Variants in TERB2 observed in about 807,000 individuals in gnomAD.
The protein encoded by TERB2 is telomere repeats-binding bouquet formation protein 2.
Under a neutral mutation model 29.8 loss-of-function variants are expected in TERB2, and 26 were observed. The observed-to-expected ratio is 0.87, with a 90% CI of 0.64 to 1.21. TERB2 has a LOEUF of 1.21. TERB2 is among the 50% of genes most tolerant of loss of function. The probability of loss-of-function intolerance (pLI) is 0.00; values close to 1 mark genes in which losing one functional copy is unlikely to be tolerated. For synonymous variants in TERB2, 80 were observed against 90.8 expected (o/e 0.88, Z 0.68); for missense variants, 240 against 268.6 (o/e 0.89, Z 0.74).
intron 3 of TERB2, among the ~76,000 whole-genome samples, chr15:44,961,281 C>A (rs113419181): frequency 0.016 from 2,361 of 149,132 alleles, 17 homozygotes; most frequent in Middle Eastern, 0.032. Flanking sequence ...TAGCAGGAAA[C>A]GTCTACAACA....
intron 6 of TERB2, among the ~76,000 whole-genome samples, chr15:44,975,594 T>C (rs1300237727): frequency 6.6e-6 from 1 of 152,144 alleles, no homozygotes; most frequent in Non-Finnish European, 1.5e-5. Flanking sequence ...TTGGCGCTAC[T>C]GGCATTTTAG....
chr15:44,978,504 A>G lies in TERB2; in HGVS notation c.539A>G (p.Asp180Gly). 6.2e-7 allele frequency: 1 copy of G among 1,604,134 alleles called. No homozygotes were observed. The highest frequency in any genetic ancestry group is 8.5e-7 in the Non-Finnish European group (1 of 1,175,240). ...TATTTTGTAGGTTATATATCAATTG[A>G]TGCCATGAAGAAATTCCTTGGGGAG... ...NNMVTGYISI[D>G]AMKKFLGELH... Residue 180 changes from aspartate (D) to glycine (G), a missense_variant, in exon 7 of 7, where the codon GAT (aspartate) becomes GGT (glycine). Coordinates refer to ENST00000340827, the MANE Select transcript of TERB2 (RefSeq NM_152448.3).
rs34777163 is a variant in TERB2 at position 44,971,824 on chromosome 15, TC to T, written c.435-2034del. Among the ~76,000 whole-genome samples the T allele has an allele frequency of 3.2e-3, 477 of 147,646 alleles. 1 individual carries two copies. Among genetic ancestry groups the T allele is most frequent in the Middle Eastern group, 0.01 (3 of 288 alleles). On this transcript the variant is annotated intron_variant, in intron 5 of 6. Transcript: ENST00000340827. ...CTTTCACAACATCTCTTCCTTTTCA[TC>T]CCCCCCCCTCCTTTTTTCCCTTTAT...
At chr15:44,975,995 G>C (rs1892041889) in intron 6 of TERB2, 1 of 152,186 alleles carries the variant, frequency 6.6e-6, no homozygotes. Flanking sequence ...AGTAGATGCT[G>C]TATTAGTTAT....
intron 4 of TERB2, among the ~76,000 whole-genome samples, chr15:44,963,435 C>A (rs1206174596): frequency 6.6e-6 from 1 of 152,150 alleles, no homozygotes; most frequent in Non-Finnish European, 1.5e-5. Flanking sequence ...AATTAACCGA[C>A]CTGGACTCTA....
intron 6 of TERB2, among the ~76,000 whole-genome samples, chr15:44,974,715 T>A (rs549790402): frequency 9.2e-5 from 14 of 152,326 alleles, no homozygotes; most frequent in South Asian, 2.1e-4. Context: ...GAGATTTTTT[T>A]AAAAAATTGC....
chr15:44,960,507 G>A (rs57701292), intron 3 of TERB2, among the ~76,000 whole-genome samples: 4 of 151,986 alleles, frequency 2.6e-5, no homozygotes, highest in Non-Finnish European at 4.4e-5. Flanking sequence ...ATGCTGAGAC[G>A]CCCTTCTCTA....
Position 44,966,153 on chromosome 15 carries a change from C to T in TERB2, c.349-5C>T, listed in dbSNP as rs1490427506. The T allele has an allele frequency of 1.3e-6, 2 of 1,500,584 alleles. No homozygotes were observed. The highest frequency in any genetic ancestry group is 8.9e-7 in the Non-Finnish European group (1 of 1,126,394). The allele number at this position is 1,500,584 out of a possible 1,614,324, so 93.0% of individuals were successfully genotyped here. A position where few individuals can be genotyped will look rare whatever the true frequency, so the allele number is the denominator to read the frequency against. ...TTAAAATGTGATTTACTTTTCTATC[C>T]ACAGCATGATGAAGTAACACCAAAT... On this transcript the variant is annotated splice_region_variant and splice_polypyrimidine_tract_variant and intron_variant, in intron 4 of 6. Transcript: ENST00000340827.
chr15:44,961,191 G>GATATATATATATATATAT (rs34640759), intron 3 of TERB2, among the ~76,000 whole-genome samples: 47 of 136,324 alleles, frequency 3.4e-4, no homozygotes, highest in Admixed American at 9.7e-4. Flanking sequence ...ATACCTCAAT[G>GATATATATATATATATAT]ATATATATAT....
intron 5 of TERB2, among the ~76,000 whole-genome samples, chr15:44,969,670 T>G (rs1891940142): frequency 1.3e-5 from 2 of 151,598 alleles, no homozygotes; most frequent in Non-Finnish European, 2.9e-5. Flanking sequence ...GGTGTACTCC[T>G]GTAGTCCTAG....
chr15:44,958,657 T>G, intron 3 of TERB2, 145 bp downstream of exon 3: 2 of 875,752 alleles, frequency 2.3e-6, no homozygotes, highest in Non-Finnish European at 3.4e-6. Context: ...GGAAAAAGCA[T>G]GGACTTTGGA....
At chr15:44,965,336 G>T (rs1228131961) in intron 4 of TERB2, among the ~76,000 whole-genome samples, 1 of 147,646 alleles carries the variant, frequency 6.8e-6, no homozygotes, top group South Asian at 2.1e-4. Flanking sequence ...ATATCTTTAC[G>T]TATATAGTGA....
intron 6 of TERB2, among the ~76,000 whole-genome samples, chr15:44,974,265 G>A (rs1045963792): frequency 3.3e-5 from 5 of 152,188 alleles, no homozygotes; most frequent in Admixed American, 3.3e-4. Context: ...GTCCCAGTTT[G>A]GAAGATAAAT....
At chr15:44,962,751 G>C (rs1891826542) in intron 4 of TERB2, 1 of 152,126 alleles carries the variant, frequency 6.6e-6, no homozygotes, top group East Asian at 1.9e-4. Flanking sequence ...TTAAGTAATA[G>C]CCAAATTTGG....
At chr15:44,970,294 A>T in intron 5 of TERB2, 1 of 253,624 alleles carries the variant, frequency 3.9e-6, no homozygotes. Flanking sequence ...AAAGAGGAAG[A>T]TGTAGTATAA....
At chr15:44,966,744 A>T (rs1891896044) in intron 5 of TERB2, among the ~76,000 whole-genome samples, 1 of 152,210 alleles carries the variant, frequency 6.6e-6, no homozygotes, top group South Asian at 2.1e-4. Context: ...TTTTATTAGG[A>T]TGAAAAGTGG....
chr15:44,956,975 G>A lies in TERB2; in HGVS notation c.144G>A (p.Leu48=). Residue 48 remains leucine, a splice_region_variant and synonymous_variant, in exon 2 of 7, where the codon CTG becomes CTA. Transcript: ENST00000340827. The part of the protein sequence containing the change: ...FSCDASHPDT[L]RIYQSLDYIE... ...GTGATGCCTCGCACCCAGACACGCT[G>A]AGGTACTGAGGGCGACCTGGCAGTG... is the stretch of plus-strand genomic sequence containing the variant. 20 of 1,613,102 alleles carry A rather than the reference G, an allele frequency of 1.2e-5. No homozygotes were observed. Among genetic ancestry groups the A allele is most frequent in the Non-Finnish European group, 1.7e-5 (20 of 1,179,800 alleles).
chr15:44,969,031 A>C (rs929938328), intron 5 of TERB2, among the ~76,000 whole-genome samples: 21 of 152,110 alleles, frequency 1.4e-4, no homozygotes, highest in Non-Finnish European at 2.6e-4. Context: ...CCAGGAGTTC[A>C]GGCAATCCTC....
intron 5 of TERB2, among the ~76,000 whole-genome samples, chr15:44,969,538 CA>C (rs909887500): frequency 2.1e-4 from 32 of 151,774 alleles, no homozygotes; most frequent in African/African-American, 7.3e-4. Context: ...CCTGTCATCC[CA>C]GCACTTTGGA....
Sources: allele counts gnomAD v4.1 joint callset (sites outside exome capture counted in the v4.1 genomes callset), GRCh38; gene constraint gnomAD v4.1.1; transcripts MANE v1.5; gene names NCBI Gene and HGNC (gene_info 2026-07-23, HGNC 2026-07-21).